Variants in PAK5 observed in about 807,000 individuals in gnomAD.
The protein encoded by PAK5 is serine/threonine-protein kinase PAK 5.
A neutral mutation model predicts 65.9 loss-of-function variants in PAK5; 16 were observed. The observed-to-expected ratio is 0.24, with a 90% CI of 0.16 to 0.37. The LOEUF is 0.37. Ranked by LOEUF, PAK5 falls within the 10% of genes least tolerant of loss-of-function variation. The pLI, the probability that PAK5 is intolerant of heterozygous loss-of-function variation, is 1.00. For missense variants in PAK5, 785 were observed against 903.9 expected (o/e 0.87, Z 1.69); for synonymous variants, 371 against 354.9 (o/e 1.05, Z -0.51).
intron 1 of PAK5, among the ~76,000 whole-genome samples, chr20:9,834,528 G>A (rs189638430): frequency 4.9e-4 from 75 of 152,210 alleles, no homozygotes; most frequent in African/African-American, 1.8e-3. Context: ...TGCCCACCTA[G>A]ATATGGTGAG....
chr20:9,684,186 G>C (rs2047687291), intron 2 of PAK5, among the ~76,000 whole-genome samples: 1 of 152,196 alleles, frequency 6.6e-6, no homozygotes, highest in African/African-American at 2.4e-5. Flanking sequence ...ACTGGAACCA[G>C]GAGCTGTAGT....
chr20:9,802,742 T>G, intron 1 of PAK5, among the ~76,000 whole-genome samples: 1 of 151,648 alleles, frequency 6.6e-6, no homozygotes, highest in South Asian at 2.1e-4. Context: ...GATGTGATTG[T>G]TCTGCATCCC....
At chr20:9,640,561 C>T (rs114239914) in intron 3 of PAK5, among the ~76,000 whole-genome samples, 2,605 of 152,164 alleles carry the variant, frequency 0.017, 84 homozygotes, top group African/African-American at 0.06. Flanking sequence ...TTTTATAATC[C>T]TTTTGTGTCC....
At chr20:9,641,446 C>T (rs6086967) in intron 3 of PAK5, among the ~76,000 whole-genome samples, 55 of 42,390 alleles carry the variant, frequency 1.3e-3, no homozygotes, top group East Asian at 7.0e-3. Context: ...TACAGAGTGC[C>T]GATTGGTGTA....
chr20:9,644,393 C>A lies in PAK5; in HGVS notation c.-11-54G>T, dbSNP rs986265112. 4 of 1,170,240 alleles carry A rather than the reference C, an allele frequency of 3.4e-6. 1 individual carries two copies. In the Admixed American group the frequency reaches 5.5e-5, roughly 16 times the overall value. 72.5% of individuals were successfully genotyped at this position (1,170,240 alleles called of 1,614,324 possible). Reference sequence around the variant, plus strand: ...CCATTTATATCTTGCCAGCAGAAGACCAGGAGAAAGCTATTGTTAATTCAC... The same window carrying A: ...CCATTTATATCTTGCCAGCAGAAGAACAGGAGAAAGCTATTGTTAATTCAC... On this transcript the variant is annotated intron_variant, in intron 2 of 9. Coordinates refer to ENST00000353224, the MANE Select transcript of PAK5 (RefSeq NM_177990.4).
chr20:9,814,591 T>C (rs993157283), intron 1 of PAK5, among the ~76,000 whole-genome samples: 2 of 152,174 alleles, frequency 1.3e-5, no homozygotes, highest in Admixed American at 1.3e-4. Flanking sequence ...TTCTTTTAGA[T>C]TTACTGAGTC....
chr20:9,606,446 T>C (rs943598920), intron 3 of PAK5, among the ~76,000 whole-genome samples: 2 of 152,238 alleles, frequency 1.3e-5, no homozygotes, highest in African/African-American at 4.8e-5. Flanking sequence ...AATGGACTAA[T>C]ACACAGGTGC....
At chr20:9,801,492 T>A (rs934343687) in intron 1 of PAK5, among the ~76,000 whole-genome samples, 4 of 150,740 alleles carry the variant, frequency 2.7e-5, no homozygotes, top group African/African-American at 9.7e-5. Flanking sequence ...TATAAACATA[T>A]ATATACATTA....
chr20:9,769,550 G>A (rs1376583193), intron 1 of PAK5, among the ~76,000 whole-genome samples: 1 of 152,198 alleles, frequency 6.6e-6, no homozygotes, highest in Non-Finnish European at 1.5e-5. Context: ...TTTCAATGAT[G>A]CTCTGAACTC....
intron 1 of PAK5, among the ~76,000 whole-genome samples, chr20:9,771,582 A>ATTTTTTTTTTTTTTTTTTTTTTTTT (rs545140358): frequency 1.3e-4 from 14 of 109,754 alleles, no homozygotes; most frequent in South Asian, 5.9e-4. Context: ...CAATTTTTTA[A>ATTTTTTTTTTTTTTTTTTTTTTTTT]TTTTTTTTTT....
At chr20:9,545,752 A>G (rs747632064) in intron 7 of PAK5, among the ~76,000 whole-genome samples, 24 of 152,128 alleles carry the variant, frequency 1.6e-4, no homozygotes, top group Non-Finnish European at 3.1e-4. Flanking sequence ...CAACTAGTGT[A>G]TATTTCTAAA....
At chr20:9,641,570 A>C (rs1051490328) in intron 3 of PAK5, among the ~76,000 whole-genome samples, 1 of 151,836 alleles carries the variant, frequency 6.6e-6, no homozygotes, top group African/African-American at 2.4e-5. Flanking sequence ...GCTGCCTGCC[A>C]GTCCTGTGCG....
rs1046020327 is a variant in PAK5, at chr20:9,733,034, G to C, written c.-161-21599C>G. Reference sequence around the variant, plus strand: ...TTTTACTGGACACTAATTTGTGTCTGGAAGAACCTACTTTCTCAGAACTAG... The same window carrying C: ...TTTTACTGGACACTAATTTGTGTCTCGAAGAACCTACTTTCTCAGAACTAG... On this transcript the variant is annotated intron_variant, in intron 1 of 9. Coordinates refer to ENST00000353224, the MANE Select transcript of PAK5 (RefSeq NM_177990.4). Among the ~76,000 whole-genome samples the C allele has an allele frequency of 2.0e-5, 3 of 152,144 alleles. No individual in the cohort carries two copies. The East Asian group carries it at 5.8e-4, about 29-fold the overall frequency.
intron 3 of PAK5, among the ~76,000 whole-genome samples, chr20:9,631,098 C>T (rs746086396): frequency 1.3e-5 from 2 of 152,126 alleles, no homozygotes; most frequent in African/African-American, 2.4e-5. Context: ...TGAGATGAGA[C>T]TTTGGGATCT....
At chr20:9,719,323 T>C (rs1271633856) in intron 1 of PAK5, among the ~76,000 whole-genome samples, 1 of 152,194 alleles carries the variant, frequency 6.6e-6, no homozygotes, top group Admixed American at 6.5e-5. Context: ...CAATATTCTG[T>C]TTGGGGATTT....
intron 3 of PAK5, among the ~76,000 whole-genome samples, chr20:9,623,010 T>C (rs1254347735): frequency 6.6e-6 from 1 of 152,220 alleles, no homozygotes; most frequent in African/African-American, 2.4e-5. Context: ...AAACACAATA[T>C]GCAGAAAATT....
intron 1 of PAK5, among the ~76,000 whole-genome samples, chr20:9,750,091 A>G (rs994041408): frequency 1.3e-5 from 2 of 152,148 alleles, no homozygotes; most frequent in African/African-American, 4.8e-5. Flanking sequence ...GTTGAGCCAC[A>G]TAGATCTTCA....
intron 5 of PAK5, among the ~76,000 whole-genome samples, chr20:9,563,390 C>T (rs2045622456): frequency 6.6e-6 from 1 of 152,170 alleles, no homozygotes; most frequent in Admixed American, 6.5e-5. Flanking sequence ...CAGTCCTCTG[C>T]TGGTTATCCT....
chr20:9,772,010 C>T (rs2048839309), intron 1 of PAK5, among the ~76,000 whole-genome samples: 1 of 152,074 alleles, frequency 6.6e-6, no homozygotes, highest in African/African-American at 2.4e-5. Flanking sequence ...TGCATTCCAG[C>T]CTGGGTGACA....
Sources: gnomAD v4.1 joint callset for allele counts (sites outside exome capture counted in the v4.1 genomes callset) on GRCh38, gnomAD v4.1.1 for gene constraint, MANE v1.5 for transcripts, NCBI Gene and HGNC (gene_info 2026-07-23, HGNC 2026-07-21) for gene names.